UBE2V1: variants seen among roughly 807,000 people sequenced by gnomAD.
UBE2V1 encodes ubiquitin-conjugating enzyme E2 variant 1.
In UBE2V1, 15 loss-of-function variants were observed where a neutral mutation model predicts 19.6. The observed-to-expected ratio is 0.77, with a 90% CI of 0.51 to 1.18. The LOEUF is 1.18. UBE2V1 is among the 50% of genes most tolerant of loss of function. The probability of loss-of-function intolerance (pLI) is 0.00; values close to 1 mark genes in which losing one functional copy is unlikely to be tolerated. For synonymous variants in UBE2V1, 60 were observed against 60.7 expected, an observed-to-expected ratio of 0.99 and a Z score of 0.05; for missense variants, 125 against 184.8, an observed-to-expected ratio of 0.68 and a Z score of 1.88.
chr20:50,091,849 A>G (rs529083751), intron 2 of UBE2V1, among the ~76,000 whole-genome samples: 234 of 152,344 alleles, frequency 1.5e-3, no homozygotes, highest in Admixed American at 3.3e-3. Context: ...ACCCACAGCA[A>G]AAGTGGGTAG....
At chr20:50,088,785 C>CAAAA (rs10661118) in intron 2 of UBE2V1, among the ~76,000 whole-genome samples, 1 of 119,592 alleles carries the variant, frequency 8.4e-6, no homozygotes, top group Admixed American at 8.5e-5. Flanking sequence ...GACCCTATCT[C>CAAAA]AAAAAAAAAA....
intron 1 of UBE2V1, among the ~76,000 whole-genome samples, chr20:50,106,829 C>G (rs1447579999): frequency 6.7e-6 from 1 of 148,392 alleles, no homozygotes; most frequent in Non-Finnish European, 1.5e-5. Flanking sequence ...GAGTGAAACT[C>G]TGTTTCAAAA....
intron 1 of UBE2V1, among the ~76,000 whole-genome samples, chr20:50,112,768 G>A (rs1011522603): frequency 6.6e-6 from 1 of 152,150 alleles, no homozygotes. Context: ...CCTCTAGATC[G>A]CCCCTTAAGA....
chr20:50,097,200 G>A (rs979128382), intron 1 of UBE2V1, among the ~76,000 whole-genome samples: 2 of 152,132 alleles, frequency 1.3e-5, no homozygotes. Flanking sequence ...GAAGACAAGA[G>A]GCTAAGACTA....
intron 1 of UBE2V1, chr20:50,104,383 C>T (rs1280774090): frequency 2.0e-6 from 2 of 984,118 alleles, no homozygotes; most frequent in Admixed American, 6.2e-5. Flanking sequence ...CCTGGCTGGG[C>T]GCGGTGGCTC....
chr20:50,083,510 T>C (rs1033765760), intron 3 of UBE2V1, among the ~76,000 whole-genome samples: 4 of 152,208 alleles, frequency 2.6e-5, no homozygotes, highest in Non-Finnish European at 4.4e-5. Flanking sequence ...GTCTTCTGAG[T>C]ATCTCAAAGA....
At chr20:50,110,441 A>AC (rs1158959604) in intron 1 of UBE2V1, among the ~76,000 whole-genome samples, 2 of 152,206 alleles carry the variant, frequency 1.3e-5, no homozygotes, top group Non-Finnish European at 2.9e-5. Context: ...TTTCCTGGCA[A>AC]CCGGAGGCAC....
At chr20:50,106,883 A>C (rs58691825) in intron 1 of UBE2V1, among the ~76,000 whole-genome samples, 2,054 of 150,000 alleles carry the variant, frequency 0.014, 49 homozygotes, top group African/African-American at 0.048. Flanking sequence ...ACAAAAAAAA[A>C]AAAACAAAAA....
chr20:50,083,978 A>G (rs562775482), intron 3 of UBE2V1, 151 bp downstream of exon 3: 2 of 1,257,954 alleles, frequency 1.6e-6, no homozygotes, highest in African/African-American at 1.5e-5. Flanking sequence ...AACAGGCCCC[A>G]TCCCAAATCT....
Position 50,094,211 on chromosome 20 carries a change from ATATAACATATGCAT to A in UBE2V1, c.171+2447_171+2460del, listed in dbSNP as rs1202995364. ...TATATAAATATACAGTATATATAAT[ATATAACATATGCAT>A]TATATAATATATAATGCATTATATA... On this transcript the variant is annotated intron_variant, in intron 2 of 3. Transcript: ENST00000371674. Among the ~76,000 whole-genome samples the A allele has an allele frequency of 7.1e-3, 951 of 133,862 alleles. 41 individuals carry two copies. Among genetic ancestry groups the A allele is most frequent in the African/African-American group, 0.019 (668 of 35,440 alleles). The allele number at this position is 133,862 out of a possible 152,430, so 87.8% of individuals were successfully genotyped here. A position where few individuals can be genotyped will look rare whatever the true frequency, so the allele number is the denominator to read the frequency against.
intron 2 of UBE2V1, among the ~76,000 whole-genome samples, chr20:50,088,282 C>G (rs186635998): frequency 6.6e-6 from 1 of 151,848 alleles, no homozygotes; most frequent in African/African-American, 2.4e-5. Context: ...GATTCTGGAA[C>G]AAAAAACAGA....
chr20:50,115,404 GA>G, upstream of UBE2V1: 1 of 1,391,360 alleles, frequency 7.2e-7, no homozygotes, highest in Non-Finnish European at 9.5e-7. Context: ...GGGGAGCACA[GA>G]AAATACTTGC....
chr20:50,084,108 G>C (rs2078770041), intron 3 of UBE2V1, 21 bp downstream of exon 3: 1 of 1,555,832 alleles, frequency 6.4e-7, no homozygotes, highest in Non-Finnish European at 8.6e-7. Context: ...AGGAACAAGT[G>C]GGACAGAGAA....
At chr20:50,097,868 G>C (rs1350552669) in intron 1 of UBE2V1, among the ~76,000 whole-genome samples, 1 of 152,190 alleles carries the variant, frequency 6.6e-6, no homozygotes, top group East Asian at 1.9e-4. Context: ...GCCAGTATAT[G>C]TATTTCCCAA....
chr20:50,096,434 A>T, intron 2 of UBE2V1: 1 of 995,024 alleles, frequency 1.0e-6, no homozygotes, highest in Non-Finnish European at 1.4e-6. Flanking sequence ...CTCACTGTCT[A>T]CATTGTCATA....
chr20:50,089,499 G>A (rs2079102476), intron 2 of UBE2V1, among the ~76,000 whole-genome samples: 1 of 152,216 alleles, frequency 6.6e-6, no homozygotes, highest in South Asian at 2.1e-4. Flanking sequence ...GCTCTCTCTT[G>A]TGTCCCTGAC....
At chr20:50,103,714 A>G (rs2080159132) in intron 1 of UBE2V1, among the ~76,000 whole-genome samples, 1 of 152,112 alleles carries the variant, frequency 6.6e-6, no homozygotes, top group Non-Finnish European at 1.5e-5. Flanking sequence ...CCTGACTATA[A>G]TAATTTTAAA....
chr20:50,087,288 C>G (rs928329683), intron 2 of UBE2V1, among the ~76,000 whole-genome samples: 1 of 148,792 alleles, frequency 6.7e-6, no homozygotes, highest in Admixed American at 6.8e-5. Flanking sequence ...CCCAGCTAAC[C>G]GGGGGGCTGA....
chr20:50,091,047 G>GA (rs567385085), intron 2 of UBE2V1, among the ~76,000 whole-genome samples: 1 of 151,842 alleles, frequency 6.6e-6, no homozygotes, highest in Non-Finnish European at 1.5e-5. Context: ...TGTATTGTTG[G>GA]AAAAAAAATT....
Sources: allele counts gnomAD v4.1 joint callset (sites outside exome capture counted in the v4.1 genomes callset), GRCh38; gene constraint gnomAD v4.1.1; transcripts MANE v1.5; gene names NCBI Gene and HGNC (gene_info 2026-07-23, HGNC 2026-07-21).